The following FSHR variants were observed in gnomAD, a reference collection of about 807,000 sequenced individuals.
FSHR encodes follicle stimulating hormone receptor.
Under a neutral mutation model 52.1 loss-of-function variants are expected in FSHR, and 46 were observed. That is an observed-to-expected ratio of 0.88 (90% CI 0.70 to 1.13). The LOEUF (loss-of-function observed/expected upper bound fraction) is 1.13, where lower values mean the gene tolerates loss of function less well. Ranked by LOEUF, FSHR falls within the 50% of genes most tolerant of loss-of-function variation. The probability of loss-of-function intolerance (pLI) is 0.00; values close to 1 mark genes in which losing one functional copy is unlikely to be tolerated. For missense variants in FSHR, 964 were observed against 834.6 expected (o/e 1.16, Z -1.91); for synonymous variants, 399 against 309.6 (o/e 1.29, Z -3.03).
chr2:49,010,422 C>G (rs1383832688), intron 4 of FSHR, among the ~76,000 whole-genome samples: 1 of 151,982 alleles, frequency 6.6e-6, no homozygotes, highest in Non-Finnish European at 1.5e-5. Context: ...TTGCTGGATT[C>G]AGTTTGCCAG....
At chr2:49,073,204 G>A (rs1486169072) in intron 1 of FSHR, among the ~76,000 whole-genome samples, 1 of 151,986 alleles carries the variant, frequency 6.6e-6, no homozygotes, top group Non-Finnish European at 1.5e-5. Context: ...GGAAGCTCTA[G>A]CCAGAGCAAT....
intron 4 of FSHR, among the ~76,000 whole-genome samples, chr2:49,001,735 G>A (rs114110116): frequency 4.4e-4 from 67 of 152,218 alleles, no homozygotes; most frequent in African/African-American, 1.5e-3. Flanking sequence ...TGTCAATATT[G>A]TGTTCTGAGC....
chr2:49,036,784 T>G (rs1472152920), intron 2 of FSHR, among the ~76,000 whole-genome samples: 1 of 152,178 alleles, frequency 6.6e-6, no homozygotes, highest in East Asian at 1.9e-4. Flanking sequence ...TCACAAAGAC[T>G]AAAACAGTGA....
At chr2:49,080,994 G>A (rs1209665438) in intron 1 of FSHR, among the ~76,000 whole-genome samples, 1 of 152,052 alleles carries the variant, frequency 6.6e-6, no homozygotes, top group African/African-American at 2.4e-5. Flanking sequence ...CTGTTTACCT[G>A]GTCTCTGGCT....
At chr2:49,118,590 A>G (rs537602021) in intron 1 of FSHR, among the ~76,000 whole-genome samples, 1 of 152,332 alleles carries the variant, frequency 6.6e-6, no homozygotes, top group Non-Finnish European at 1.5e-5. Flanking sequence ...AAATAGTTGC[A>G]TAAGCTAGAG....
intron 1 of FSHR, among the ~76,000 whole-genome samples, chr2:49,099,188 C>G (rs888474695): frequency 1.3e-5 from 2 of 151,976 alleles, no homozygotes; most frequent in African/African-American, 2.4e-5. Context: ...TTGCAGCTCC[C>G]ACAATTCCCA....
chr2:48,974,399 C>T (rs568069678), intron 8 of FSHR, among the ~76,000 whole-genome samples: 2 of 152,306 alleles, frequency 1.3e-5, no homozygotes, highest in Admixed American at 1.3e-4. Flanking sequence ...TCCTTCTTAT[C>T]ACGGCTACAA....
intron 1 of FSHR, among the ~76,000 whole-genome samples, chr2:49,121,848 C>T (rs1671827456): frequency 6.6e-6 from 1 of 151,954 alleles, no homozygotes; most frequent in African/African-American, 2.4e-5. Context: ...TCTTCTCTGC[C>T]TCATCCTTTC....
chr2:49,036,747 A>T (rs181638743), intron 2 of FSHR, among the ~76,000 whole-genome samples: 62 of 152,260 alleles, frequency 4.1e-4, no homozygotes, highest in African/African-American at 1.5e-3. Context: ...GCATTTTTGT[A>T]TCTTTAAAGG....
At chr2:49,071,777 G>A (rs1036716332) in intron 1 of FSHR, among the ~76,000 whole-genome samples, 3 of 151,592 alleles carry the variant, frequency 2.0e-5, no homozygotes, top group Non-Finnish European at 4.4e-5. Context: ...GGGGAAGGAG[G>A]ACAGGCATCA....
At chr2:49,093,173 G>T (rs11125211) in intron 1 of FSHR, among the ~76,000 whole-genome samples, 6,627 of 152,182 alleles carry the variant, frequency 0.044, 244 homozygotes, top group Non-Finnish European at 0.064. Context: ...GAGTAATGCC[G>T]GCTTTGTAAC....
At position 49,068,586 on chromosome 2, in the gene FSHR, G is replaced by A. The variant is rs79933664; in HGVS notation, c.153-296C>T. Among the ~76,000 whole-genome samples, 5,373 of 152,044 alleles carry A rather than the reference G, an allele frequency of 0.035. 307 individuals carry two copies. Among genetic ancestry groups the A allele is most frequent in the African/African-American group, 0.12 (5,041 of 41,458 alleles). ...ATGAACCTTGCTTGTTCCCACTACC[G>A]TATGTTGCCTTCTGCAGCCCTGTGT... On this transcript the variant is annotated intron_variant, in intron 1 of 9. Transcript: ENST00000406846.
intron 1 of FSHR, among the ~76,000 whole-genome samples, chr2:49,102,611 G>A (rs1334896019): frequency 1.3e-5 from 2 of 152,214 alleles, no homozygotes; most frequent in African/African-American, 2.4e-5. Flanking sequence ...AGTGAGTGCT[G>A]AAGTTCAGTA....
At chr2:49,142,390 T>G (rs959509425) in intron 1 of FSHR, among the ~76,000 whole-genome samples, 1 of 151,920 alleles carries the variant, frequency 6.6e-6, no homozygotes, top group Non-Finnish European at 1.5e-5. Flanking sequence ...GAAAAATAGA[T>G]CTAAGGTAGG....
intron 1 of FSHR, among the ~76,000 whole-genome samples, chr2:49,086,967 T>C (rs1365683829): frequency 6.6e-6 from 1 of 151,996 alleles, no homozygotes; most frequent in Non-Finnish European, 1.5e-5. Context: ...ACTCATGTGA[T>C]TTTCACGTGT....
At chr2:49,013,896 G>C (rs1055234936) in intron 4 of FSHR, among the ~76,000 whole-genome samples, 1 of 152,034 alleles carries the variant, frequency 6.6e-6, no homozygotes, top group Admixed American at 6.6e-5. Flanking sequence ...CTCACAATAG[G>C]ATGAATGCCC....
intron 2 of FSHR, among the ~76,000 whole-genome samples, chr2:49,025,214 A>T (rs1667875887): frequency 6.6e-6 from 1 of 152,204 alleles, no homozygotes; most frequent in African/African-American, 2.4e-5. Context: ...TGGAGAACTA[A>T]TTCAACAAAT....
At chr2:49,073,557 A>T (rs749101246) in intron 1 of FSHR, among the ~76,000 whole-genome samples, 4 of 152,084 alleles carry the variant, frequency 2.6e-5, no homozygotes, top group Non-Finnish European at 5.9e-5. Flanking sequence ...AGAAGATACA[A>T]ATGTAAAGAC....
chr2:49,096,900 C>T (rs1458535553), intron 1 of FSHR, among the ~76,000 whole-genome samples: 1 of 152,112 alleles, frequency 6.6e-6, no homozygotes, highest in Non-Finnish European at 1.5e-5. Context: ...CCTGCTCTGG[C>T]CATGTGATAT....
Sources: gnomAD v4.1 joint callset for allele counts (sites outside exome capture counted in the v4.1 genomes callset) on GRCh38, gnomAD v4.1.1 for gene constraint, MANE v1.5 for transcripts, NCBI Gene and HGNC (gene_info 2026-07-23, HGNC 2026-07-21) for gene names.